Variants in DMD observed in about 807,000 individuals in gnomAD.
DMD encodes dystrophin.
In DMD, 63 loss-of-function variants were observed where a neutral mutation model predicts 330.1. The observed-to-expected ratio is 0.19, with a 90% confidence interval of 0.16 to 0.24. DMD has a LOEUF of 0.24. Among genes scored for constraint, DMD ranks in the 10% least tolerant of loss-of-function variants. DMD has a pLI of 1.00. For missense variants in DMD, 3,344 were observed against 2,684.1 expected, an observed-to-expected ratio of 1.25 and a Z score of -5.43; for synonymous variants, 1,223 against 959.8, an observed-to-expected ratio of 1.27 and a Z score of -5.07.
chrX:32,279,349 A>T (rs2097403828), intron 43 of DMD, among the ~76,000 whole-genome samples: 1 of 111,773 alleles, frequency 8.9e-6, no homozygotes, highest in African/African-American at 3.3e-5. Flanking sequence ...TATCAAAGAG[A>T]TATCTGTACT....
chrX:32,557,723 A>G (rs780857375), intron 16 of DMD, among the ~76,000 whole-genome samples: 183 of 111,607 alleles, frequency 1.6e-3, no homozygotes, highest in African/African-American at 5.9e-3. Context: ...GAAAATATTT[A>G]TATGTTGAAC....
chrX:32,730,160 C>A (rs771363177), intron 7 of DMD, among the ~76,000 whole-genome samples: 1 of 111,603 alleles, frequency 9.0e-6, no homozygotes, highest in African/African-American at 3.3e-5. Flanking sequence ...AAGCAAGACC[C>A]TGTCTCTACA....
At chrX:33,230,023 A>G (rs1039450298) in intron 1 of DMD, among the ~76,000 whole-genome samples, 2 of 111,353 alleles carry the variant, frequency 1.8e-5, no homozygotes, top group African/African-American at 6.5e-5. Context: ...TCTGCTATGC[A>G]TGTGATTACA....
chrX:31,244,203 T>A (rs2048615685), intron 63 of DMD, among the ~76,000 whole-genome samples: 2 of 112,516 alleles, frequency 1.8e-5, no homozygotes, highest in African/African-American at 6.4e-5. Context: ...GTTGTTCCTG[T>A]AATTCGGAAA....
At chrX:33,056,533 T>G (rs1056711191) in intron 1 of DMD, among the ~76,000 whole-genome samples, 4 of 109,485 alleles carry the variant, frequency 3.7e-5, no homozygotes, top group Non-Finnish European at 5.7e-5. Context: ...GCTAATTTTT[T>G]GTATTTTTAG....
intron 47 of DMD, among the ~76,000 whole-genome samples, chrX:31,881,366 C>G (rs1210689189): frequency 5.1e-5 from 5 of 97,872 alleles, no homozygotes; most frequent in Non-Finnish European, 1.0e-4. Flanking sequence ...TCCTGGCTAA[C>G]ACGGTGAAAC....
At chrX:31,686,420 C>T (rs2082692619) in intron 52 of DMD, among the ~76,000 whole-genome samples, 1 of 112,333 alleles carries the variant, frequency 8.9e-6, no homozygotes, top group Admixed American at 9.4e-5. Context: ...TCAAGACTTT[C>T]CCATTTCCTT....
At chrX:32,345,472 G>T (rs1426688285) in intron 39 of DMD, among the ~76,000 whole-genome samples, 1 of 110,757 alleles carries the variant, frequency 9.0e-6, no homozygotes, top group Non-Finnish European at 1.9e-5. Context: ...CTTTCTTAAA[G>T]GCATAATAAA....
chrX:31,456,139 T>C (rs1290489961), intron 59 of DMD, among the ~76,000 whole-genome samples: 5 of 111,920 alleles, frequency 4.5e-5, no homozygotes, highest in African/African-American at 1.6e-4. Flanking sequence ...TAAATAATGA[T>C]ATGAACTAAG....
At chrX:32,679,337 G>T (rs745886185) in intron 9 of DMD, among the ~76,000 whole-genome samples, 1,237 of 104,055 alleles carry the variant, frequency 0.012, 15 homozygotes, top group African/African-American at 0.039. Flanking sequence ...CGAGGTTTTG[G>T]TTTTTTTTTT....
chrX:32,398,929 A>G (rs1227714799), intron 30 of DMD, among the ~76,000 whole-genome samples: 1 of 111,662 alleles, frequency 9.0e-6, no homozygotes, highest in African/African-American at 3.3e-5. Flanking sequence ...GAACACAGAG[A>G]TAAATCCATA....
chrX:32,872,512 G>C (rs2083079563), intron 2 of DMD, among the ~76,000 whole-genome samples: 1 of 112,315 alleles, frequency 8.9e-6, no homozygotes. Context: ...GGAGCTTACT[G>C]TCTCAAGAAG....
chrX:33,285,622 C>T (rs1273743266), intron 1 of DMD, among the ~76,000 whole-genome samples: 2 of 111,864 alleles, frequency 1.8e-5, no homozygotes, highest in African/African-American at 3.2e-5. Context: ...GTCAAACAAT[C>T]CATAAGCAGA....
At chrX:32,911,152 T>A (rs758822719) in intron 2 of DMD, among the ~76,000 whole-genome samples, 1 of 112,596 alleles carries the variant, frequency 8.9e-6, no homozygotes, top group Admixed American at 9.4e-5. Context: ...AATCCTTTAT[T>A]GACACTGAAG....
rs142082884 is a variant in DMD at position 31,823,420 on chromosome X, A to G, written c.7201-3337T>C. ...AATATTTCTGAATTGAATAAAATTA[A>G]ATGAAAATTGCTACTTGAATAAAGG... On this transcript the variant is annotated intron_variant, in intron 49 of 78. Transcript: ENST00000357033. Among the ~76,000 whole-genome samples, 3 of 112,023 alleles carry G rather than the reference A, an allele frequency of 2.7e-5. No homozygotes were observed. The East Asian group carries it at 8.4e-4, about 31-fold the overall frequency.
chrX:32,682,877 A>G (rs1031252006), intron 9 of DMD, among the ~76,000 whole-genome samples: 35 of 111,894 alleles, frequency 3.1e-4, no homozygotes, highest in Non-Finnish European at 5.8e-4. Context: ...ACCTTTCAGA[A>G]TTTTCTTTCC....
chrX:31,874,695 G>A (rs1173098040), intron 48 of DMD, among the ~76,000 whole-genome samples: 1 of 110,554 alleles, frequency 9.0e-6, no homozygotes, highest in Admixed American at 9.7e-5. Context: ...CCTTCGCCTG[G>A]GCTCATCTTT....
In DMD at chrX:31,453,656, A is replaced by G. The variant is rs1440150149; in HGVS notation, c.8938-9029T>C. Among the ~76,000 whole-genome samples, 2 of 106,827 alleles carry G rather than the reference A, an allele frequency of 1.9e-5. 1 individual carries two copies. Among genetic ancestry groups the G allele is most frequent in the Non-Finnish European group, 3.8e-5 (2 of 52,044 alleles). The allele number at this position is 106,827 out of a possible 115,157, so 92.8% of individuals were successfully genotyped here. ...ATTTAAAAAATCAAAAATAAGTACA[A>G]TTTGTAAAAGAAGAAACTTGAACAA... On this transcript the variant is annotated intron_variant, in intron 59 of 78. Coordinates refer to ENST00000357033, the MANE Select transcript of DMD (RefSeq NM_004006.3).
intron 67 of DMD, among the ~76,000 whole-genome samples, chrX:31,185,876 T>C (rs1438026234): frequency 8.9e-6 from 1 of 111,901 alleles, no homozygotes; most frequent in Admixed American, 9.5e-5. Context: ...GAGATGATTC[T>C]CCTTTGCTTT....
Sources: allele counts gnomAD v4.1 joint callset (sites outside exome capture counted in the v4.1 genomes callset), GRCh38; gene constraint gnomAD v4.1.1; transcripts MANE v1.5; gene names NCBI Gene and HGNC (gene_info 2026-07-23, HGNC 2026-07-21).